The following ANKS6 variants were observed in gnomAD, a reference collection of about 807,000 sequenced individuals.
ANKS6 encodes ankyrin repeat and sterile alpha motif domain containing 6.
ANKS6 carries 47 observed loss-of-function variants against 77.9 expected under a neutral mutation model. That is an observed-to-expected ratio of 0.60 (90% CI 0.48 to 0.77). The LOEUF is 0.77. Ranked by LOEUF, ANKS6 falls within the 30% of genes least tolerant of loss-of-function variation. ANKS6 has a pLI of 0.00. For missense variants in ANKS6, 1,150 were observed against 1,159.1 expected (o/e 0.99, Z 0.11); for synonymous variants, 488 against 501.7 (o/e 0.97, Z 0.37).
intron 5 of ANKS6, among the ~76,000 whole-genome samples, chr9:98,780,889 C>A (rs1834209554): frequency 6.6e-6 from 1 of 150,910 alleles, no homozygotes; most frequent in African/African-American, 2.4e-5. Flanking sequence ...AATGCTTTTT[C>A]TTGATGACTA....
Position 98,782,569 on chromosome 9 carries a change from T to C in ANKS6, c.1117A>G (p.Lys373Glu), listed in dbSNP as rs2118118181. Residue 373 changes from lysine to glutamate, a missense_variant, in exon 5 of 15, where the codon AAG (lysine) becomes GAG (glutamate). By Grantham distance (56) the Lys-to-Glu change is moderately conservative. Coordinates refer to ENST00000353234, the MANE Select transcript of ANKS6 (RefSeq NM_173551.5). ...ALMQATYHGNKEIVKYLLNQG... is the reference protein window; with the variant it reads ...ALMQATYHGNEEIVKYLLNQG... ...TTTAGCAGATATTTCACAATTTCCT[T>C]ATTCCTGGGAAAAAATGCTAGAGTT... 1 of 1,613,594 alleles carries C rather than the reference T, an allele frequency of 6.2e-7. No homozygotes were observed. Among genetic ancestry groups the C allele is most frequent in the Non-Finnish European group, 8.5e-7 (1 of 1,179,592 alleles).
chr9:98,777,524 G>A, intron 7 of ANKS6, 70 bp from the exon 8 acceptor site: 2 of 1,491,714 alleles, frequency 1.3e-6, no homozygotes, highest in East Asian at 2.3e-5. Context: ...GAGTGACTGG[G>A]GCAGGCTTCA....
intron 13 of ANKS6, among the ~76,000 whole-genome samples, chr9:98,747,577 T>C (rs1832203655): frequency 6.6e-6 from 1 of 152,104 alleles, no homozygotes; most frequent in Non-Finnish European, 1.5e-5. Context: ...GCAGTCTGAA[T>C]GGAAACCACC....
chr9:98,792,504 A>G (rs1422867668), intron 1 of ANKS6, among the ~76,000 whole-genome samples: 1 of 152,242 alleles, frequency 6.6e-6, no homozygotes, highest in Non-Finnish European at 1.5e-5. Context: ...AAATGAATGC[A>G]TAAATGGCAT....
chr9:98,760,312 G>C (rs1327252714), intron 11 of ANKS6, among the ~76,000 whole-genome samples: 1 of 151,980 alleles, frequency 6.6e-6, no homozygotes, highest in Non-Finnish European at 1.5e-5. Context: ...TTAAATCATT[G>C]GCCACTGATT....
At position 98,780,209 on chromosome 9, in the gene ANKS6, C is replaced by T. The variant is rs1331727354; in HGVS notation, c.1348G>A (p.Asp450Asn). The T allele has an allele frequency of 9.9e-6, 16 of 1,613,914 alleles. No individual in the cohort carries two copies. The highest frequency in any genetic ancestry group is 7.7e-5 in the South Asian group (7 of 91,052). Reference protein sequence around the residue: ...RQPWSIPVLPDDKGGLKSWWN... With the variant: ...RQPWSIPVLPNDKGGLKSWWN... ...CAAACCTTCAGTCCACCCTTGTCATCGGGCAGCACTGGGATGCTCCAGGGC... is the reference window on the plus strand; with the variant it reads ...CAAACCTTCAGTCCACCCTTGTCATTGGGCAGCACTGGGATGCTCCAGGGC... Residue 450 changes from aspartate to asparagine, a missense_variant, in exon 6 of 15, where the codon GAT (aspartate) becomes AAT (asparagine). Transcript: ENST00000353234.
intron 10 of ANKS6, among the ~76,000 whole-genome samples, chr9:98,768,482 C>T (rs1421492752): frequency 6.6e-6 from 1 of 152,186 alleles, no homozygotes; most frequent in Non-Finnish European, 1.5e-5. Context: ...TGGGAAGCAG[C>T]AGCAAAGGCA....
Position 98,735,932 on chromosome 9 carries a change from T to C in ANKS6, c.*587A>G, listed in dbSNP as rs142625590. The C allele has an allele frequency of 4.7e-4, 573 of 1,231,010 alleles. 1 individual carries two copies. The African/African-American group carries it at 8.0e-3, about 17-fold the overall frequency. The allele number at this position is 1,231,010 out of a possible 1,614,324, so 76.3% of individuals were successfully genotyped here. A position where few individuals can be genotyped will look rare whatever the true frequency, so the allele number is the denominator to read the frequency against. On this transcript the variant is annotated 3_prime_UTR_variant, in exon 15 of 15. Transcript: ENST00000353234. ...ACTTCATCTGAGAGGTGACTTGGAC[T>C]AGGAGGGGCAAGTTAGAAGTTTTAA...
intron 11 of ANKS6, among the ~76,000 whole-genome samples, chr9:98,761,406 AC>A (rs1422243532): frequency 1.3e-5 from 2 of 152,112 alleles, no homozygotes; most frequent in Non-Finnish European, 2.9e-5. Context: ...AGTAGTTGGG[AC>A]CACAGATATG....
chr9:98,752,815 T>C lies in ANKS6; in HGVS notation c.2327-1719A>G, dbSNP rs552497691. ...CACTTTTCTCATGGGTGGTGCATGC[T>C]ATGGTGAAGAGCAACAACAGGGGGA... On this transcript the variant is annotated intron_variant, in intron 12 of 14. Coordinates refer to ENST00000353234, the MANE Select transcript of ANKS6 (RefSeq NM_173551.5). 2.4e-4 allele frequency among the ~76,000 whole-genome samples: 36 copies of C among 152,210 alleles called. 1 individual carries two copies. The East Asian group carries it at 3.7e-3, about 15-fold the overall frequency.
Position 98,734,226 on chromosome 9 carries a change from G to A in ANKS6, c.*2293C>T, listed in dbSNP as rs337589. On this transcript the variant is annotated 3_prime_UTR_variant, in exon 15 of 15. Coordinates refer to ENST00000353234, the MANE Select transcript of ANKS6 (RefSeq NM_173551.5). ...ACACTTGAGTCCAGTGAAAAAGAAA[G>A]GAAAGGCATTGTCTGGAGCCTCTGC... The A allele has an allele frequency of 0.047, 45,948 of 985,264 alleles. 2,199 individuals are homozygous for A. The highest frequency in any genetic ancestry group is 0.28 in the East Asian group (2,424 of 8,760). The allele number at this position is 985,264 out of a possible 1,614,324, so 61.0% of individuals were successfully genotyped here.
chr9:98,789,955 T>G, intron 2 of ANKS6, 149 bp downstream of exon 2: 1 of 1,203,946 alleles, frequency 8.3e-7, no homozygotes, highest in Non-Finnish European at 1.1e-6. Flanking sequence ...ATCCCCCCGA[T>G]ACTTAAGCAC....
chr9:98,746,357 G>A (rs1373316065), intron 13 of ANKS6, among the ~76,000 whole-genome samples: 1 of 152,176 alleles, frequency 6.6e-6, no homozygotes, highest in Non-Finnish European at 1.5e-5. Flanking sequence ...CACCTTGCAT[G>A]TCGGACAACA....
At position 98,780,267 on chromosome 9, in the gene ANKS6, G is replaced by A; in HGVS notation, c.1290C>T (p.His430=). 2 of 1,613,330 alleles carry A rather than the reference G, an allele frequency of 1.2e-6. No individual in the cohort carries two copies. The highest frequency in any genetic ancestry group is 8.5e-7 in the Non-Finnish European group (1 of 1,179,786). Residue 430 remains histidine, a synonymous_variant, in exon 6 of 15, where the codon CAC becomes CAT. Transcript: ENST00000353234. The part of the protein sequence containing the change: ...QVNKDKGRPS[H]QPPLPHSKVR... ...CCTTCGAGTGGGGCAGGGGAGGCTGGTGGCTCGGCCGGCCTTTGTCTTTAT... is the reference window on the plus strand; with the variant it reads ...CCTTCGAGTGGGGCAGGGGAGGCTGATGGCTCGGCCGGCCTTTGTCTTTAT...
intron 11 of ANKS6, among the ~76,000 whole-genome samples, chr9:98,757,503 G>C (rs892167519): frequency 9.9e-5 from 15 of 152,234 alleles, no homozygotes; most frequent in Non-Finnish European, 2.9e-5. Context: ...GGGCAATGAA[G>C]TGATATGCCC....
At chr9:98,736,762 G>T in intron 14 of ANKS6, 139 bp from the exon 15 acceptor site, 1 of 1,085,150 alleles carries the variant, frequency 9.2e-7, no homozygotes, top group South Asian at 1.4e-5. Context: ...TTACCTAACT[G>T]AAAGAGTACC....
chr9:98,770,901 C>G lies in ANKS6; in HGVS notation c.1967G>C (p.Arg656Pro). ...VSRHGGELLN[R>P]SGGSIDNVLS... ...GGCCCTGCCCAGCTACTCACCTGAGCGGTTAAGCAGCTCCCCACCGTGCCG... is the reference window on the plus strand; with the variant it reads ...GGCCCTGCCCAGCTACTCACCTGAGGGGTTAAGCAGCTCCCCACCGTGCCG... Residue 656 changes from arginine to proline, a missense_variant, in exon 10 of 15, where the codon CGC becomes CCC. Arg to Pro is a moderately radical substitution (Grantham distance 103). Transcript: ENST00000353234. 2.0e-6 allele frequency: 3 copies of G among 1,501,286 alleles called. No individual in the cohort carries two copies. The South Asian group carries it at 4.1e-5, about 21-fold the overall frequency. 93.0% of individuals were successfully genotyped at this position (1,501,286 alleles called of 1,614,324 possible).
intron 12 of ANKS6, 116 bp downstream of exon 12, chr9:98,756,304 C>A: frequency 8.6e-7 from 1 of 1,161,276 alleles, no homozygotes; most frequent in Admixed American, 2.8e-5. Flanking sequence ...TGTCGTAAAT[C>A]TTCTTAAAAC....
rs1259398401 is a variant in ANKS6 at position 98,790,601 on chromosome 9, C to A, written c.365G>T (p.Gly122Val). Residue 122 changes from glycine (G) to valine (V), a missense_variant, in exon 2 of 15, where the codon GGG (glycine) becomes GTG (valine). Gly to Val is a moderately radical substitution (Grantham distance 109, BLOSUM62 -3). Coordinates refer to ENST00000353234, the MANE Select transcript of ANKS6 (RefSeq NM_173551.5). The part of the protein sequence containing the change: ...WSALMQAARF[G>V]HVSVAHLLLD... The stretch of plus-strand genomic sequence containing the variant: ...CAGGAGGTGTGCCACACTCACATGC[C>A]CAAATCTGCCAGGAAGATGGAGAAT... The A allele has an allele frequency of 6.3e-7, 1 of 1,595,646 alleles. No individual in the cohort carries two copies. The highest frequency in any genetic ancestry group is 8.6e-7 in the Non-Finnish European group (1 of 1,165,348).
Sources: gnomAD v4.1 joint callset for allele counts (sites outside exome capture counted in the v4.1 genomes callset) on GRCh38, gnomAD v4.1.1 for gene constraint, MANE v1.5 for transcripts, NCBI Gene and HGNC (gene_info 2026-07-23, HGNC 2026-07-21) for gene names.